The following STN1 variants were observed in gnomAD, a reference collection of about 807,000 sequenced individuals.
The protein encoded by STN1 is STN1 subunit of CST complex.
In STN1, 29 loss-of-function variants were observed where a neutral mutation model predicts 45.5. That is an observed-to-expected ratio of 0.64 (90% CI 0.47 to 0.87). The LOEUF is 0.87. Among genes scored for constraint, STN1 ranks in the 40% least tolerant of loss-of-function variants. The pLI, the probability that STN1 is intolerant of heterozygous loss-of-function variation, is 0.00. For synonymous variants in STN1, 148 were observed against 159.0 expected, an observed-to-expected ratio of 0.93 and a Z score of 0.52; for missense variants, 376 against 441.4, an observed-to-expected ratio of 0.85 and a Z score of 1.33.
intron 3 of STN1, among the ~76,000 whole-genome samples, chr10:103,909,469 T>C (rs1428318862): frequency 1.5e-5 from 1 of 66,278 alleles, no homozygotes; most frequent in Non-Finnish European, 2.9e-5. Context: ...TGTATATATA[T>C]GTATATATGT....
At chr10:103,895,938 C>T (rs950326588) in intron 7 of STN1, among the ~76,000 whole-genome samples, 13 of 152,290 alleles carry the variant, frequency 8.5e-5, no homozygotes, top group South Asian at 6.2e-4. Context: ...GTGAGACATA[C>T]GTCAATGAAA....
rs1239270984 is a variant in STN1 at position 103,914,335 on chromosome 10, CATATATATATATAT to C, written c.133+3113_133+3126del. On this transcript the variant is annotated intron_variant, in intron 2 of 9. Coordinates refer to ENST00000224950, the MANE Select transcript of STN1 (RefSeq NM_024928.5). Reference sequence around the variant, plus strand: ...ATGTTATGAGCTATTATTAAAAATACATATATATATATATATATATATATATATATATATATATA... The same window carrying C: ...ATGTTATGAGCTATTATTAAAAATACATATATATATATATATATATATATA... Among the ~76,000 whole-genome samples, 351 of 35,486 alleles carry C rather than the reference CATATATATATATAT, an allele frequency of 9.9e-3. 36 individuals carry two copies. The highest frequency in any genetic ancestry group is 0.058 in the South Asian group (33 of 568). 23.3% of individuals were successfully genotyped at this position (35,486 alleles called of 152,430 possible).
chr10:103,912,641 C>T (rs1737476893), intron 2 of STN1, among the ~76,000 whole-genome samples: 1 of 152,238 alleles, frequency 6.6e-6, no homozygotes, highest in Non-Finnish European at 1.5e-5. Context: ...CAGAGCAGGG[C>T]TGAGGCATGG....
At chr10:103,905,399 T>C (rs547025518) in intron 3 of STN1, among the ~76,000 whole-genome samples, 2 of 152,330 alleles carry the variant, frequency 1.3e-5, no homozygotes, top group South Asian at 4.1e-4. Flanking sequence ...ATTTCACTTA[T>C]CCTACCTCAA....
At chr10:103,885,832 G>T (rs1353723511) in intron 9 of STN1, among the ~76,000 whole-genome samples, 2 of 152,194 alleles carry the variant, frequency 1.3e-5, no homozygotes, top group Non-Finnish European at 2.9e-5. Context: ...TTTCTGAAAA[G>T]TGTTTGCCTG....
rs75224068 is a variant in STN1, at chr10:103,893,081, G to C, written c.754-829C>G. Among the ~76,000 whole-genome samples the C allele has an allele frequency of 2.8e-4, 42 of 152,262 alleles. No individual in the cohort carries two copies. The East Asian group carries it at 8.1e-3, about 29-fold the overall frequency. On this transcript the variant is annotated intron_variant, in intron 7 of 9. Transcript: ENST00000224950. ...GATGAATGGAAACAAATACACATTAGAGTGTGTGTATTCTTCTTATTATTC... is the reference window on the plus strand; with the variant it reads ...GATGAATGGAAACAAATACACATTACAGTGTGTGTATTCTTCTTATTATTC...
At chr10:103,889,895 G>A (rs1843128315) in intron 8 of STN1, among the ~76,000 whole-genome samples, 1 of 151,920 alleles carries the variant, frequency 6.6e-6, no homozygotes, top group African/African-American at 2.4e-5. Flanking sequence ...TAGAGATGAG[G>A]GTTTCACCAT....
At chr10:103,895,907 T>G (rs1395735392) in intron 7 of STN1, among the ~76,000 whole-genome samples, 1 of 152,214 alleles carries the variant, frequency 6.6e-6, no homozygotes, top group African/African-American at 2.4e-5. Context: ...CCAACCTATA[T>G]GTACGGCTAG....
At position 103,877,776 on chromosome 10, in the gene STN1, A is replaced by G. The variant is rs1302371530; in HGVS notation, c.*4908T>C. The G allele has an allele frequency of 6.6e-6, 1 of 152,202 alleles. No homozygotes were observed. The highest frequency in any genetic ancestry group is 1.5e-5 in the Non-Finnish European group (1 of 68,040). 9.4% of individuals were successfully genotyped at this position (152,202 alleles called of 1,614,324 possible). A position where few individuals can be genotyped will look rare whatever the true frequency, so the allele number is the denominator to read the frequency against. ...GCAGAGTTCTTTGTCCACAGACACC[A>G]TCTCCCTTCAGGATGGTCCTGCTTT... On this transcript the variant is annotated 3_prime_UTR_variant, in exon 10 of 10. Transcript: ENST00000224950.
intron 9 of STN1, among the ~76,000 whole-genome samples, chr10:103,885,277 G>A (rs1045533441): frequency 1.3e-5 from 2 of 152,316 alleles, no homozygotes; most frequent in African/African-American, 2.4e-5. Flanking sequence ...AGCAAGGATA[G>A]GTTTGATGAT....
At chr10:103,905,260 A>G in intron 3 of STN1, 104 bp from the exon 4 acceptor site, 1 of 957,706 alleles carries the variant, frequency 1.0e-6, no homozygotes, top group Non-Finnish European at 1.7e-6. Flanking sequence ...CTCTTTCAAT[A>G]GCCTGGAGAA....
At chr10:103,909,374 A>ATG in intron 3 of STN1, among the ~76,000 whole-genome samples, 1 of 92,484 alleles carries the variant, frequency 1.1e-5, no homozygotes, top group Non-Finnish European at 2.2e-5. Context: ...AAATATATAT[A>ATG]TATATGTATA....
At chr10:103,912,056 G>A (rs1388100119) in intron 2 of STN1, among the ~76,000 whole-genome samples, 2 of 152,002 alleles carry the variant, frequency 1.3e-5, no homozygotes, top group Non-Finnish European at 2.9e-5. Flanking sequence ...TTGTCCTCAG[G>A]ACCACCTTGC....
intron 4 of STN1, among the ~76,000 whole-genome samples, chr10:103,903,771 C>T (rs1393209868): frequency 1.3e-5 from 2 of 152,170 alleles, no homozygotes; most frequent in Non-Finnish European, 2.9e-5. Context: ...CAGCACAAAA[C>T]AGATTAAGAA....
chr10:103,907,743 T>C (rs1478264769), intron 3 of STN1, among the ~76,000 whole-genome samples: 3 of 152,036 alleles, frequency 2.0e-5, no homozygotes, highest in African/African-American at 7.2e-5. Flanking sequence ...AATAAGGACA[T>C]TTTGCGTTAA....
At chr10:103,887,165 C>T (rs1388842250) in intron 9 of STN1, among the ~76,000 whole-genome samples, 1 of 152,218 alleles carries the variant, frequency 6.6e-6, no homozygotes, top group Non-Finnish European at 1.5e-5. Flanking sequence ...TTTACCTATA[C>T]ATGTAACAGC....
rs759652688 is a variant in STN1, at chr10:103,892,086, A to G, written c.876+44T>C. ...ATTCATAAGTAATAAATATATTTGT[A>G]ATTGAAGCTACAAAGAAAAAAAGTT... On this transcript the variant is annotated intron_variant, in intron 8 of 9. Coordinates refer to ENST00000224950, the MANE Select transcript of STN1 (RefSeq NM_024928.5). The G allele has an allele frequency of 2.1e-6, 3 of 1,427,266 alleles. No homozygotes were observed. The South Asian group carries it at 3.9e-5, about 18-fold the overall frequency. The allele number at this position is 1,427,266 out of a possible 1,614,324, so 88.4% of individuals were successfully genotyped here. A position where few individuals can be genotyped will look rare whatever the true frequency, so the allele number is the denominator to read the frequency against.
intron 2 of STN1, among the ~76,000 whole-genome samples, chr10:103,912,290 T>G (rs1843297188): frequency 6.6e-6 from 1 of 152,148 alleles, no homozygotes; most frequent in African/African-American, 2.4e-5. Context: ...ACTCTTGGCC[T>G]CCCAAAGCAC....
At chr10:103,915,052 C>T (rs745378804) in intron 2 of STN1, among the ~76,000 whole-genome samples, 16 of 152,294 alleles carry the variant, frequency 1.1e-4, no homozygotes, top group South Asian at 8.3e-4. Context: ...ATAGTTTTAT[C>T]CATGAAGGAT....
Sources: gnomAD v4.1 joint callset for allele counts (sites outside exome capture counted in the v4.1 genomes callset) on GRCh38, gnomAD v4.1.1 for gene constraint, MANE v1.5 for transcripts, NCBI Gene and HGNC (gene_info 2026-07-23, HGNC 2026-07-21) for gene names.